The following DCUN1D4 variants were observed in gnomAD, a reference collection of about 807,000 sequenced individuals.
DCUN1D4 encodes DCN1-like protein 4.
Under a neutral mutation model 47.9 loss-of-function variants are expected in DCUN1D4, and 22 were observed. The observed-to-expected ratio is 0.46, with a 90% CI of 0.33 to 0.66. The LOEUF is 0.66. Ranked by LOEUF, DCUN1D4 falls within the 30% of genes least tolerant of loss-of-function variation. DCUN1D4 has a pLI of 0.02. For missense variants in DCUN1D4, 301 were observed against 340.8 expected (o/e 0.88, Z 0.92); for synonymous variants, 121 against 112.2 (o/e 1.08, Z -0.50).
At chr4:51,844,688 A>T (rs1395959369) in intron 1 of DCUN1D4, among the ~76,000 whole-genome samples, 8 of 151,662 alleles carry the variant, frequency 5.3e-5, no homozygotes, top group African/African-American at 1.9e-4. Flanking sequence ...GACTTCTCCC[A>T]GGCGTGCTGG....
At chr4:51,877,957 G>C in intron 5 of DCUN1D4, 103 bp downstream of exon 5, 1 of 601,564 alleles carries the variant, frequency 1.7e-6, no homozygotes, top group Non-Finnish European at 2.7e-6. Context: ...AAATTTGGGT[G>C]TGTGTGTGTG....
intron 1 of DCUN1D4, among the ~76,000 whole-genome samples, chr4:51,845,836 G>A (rs1214955663): frequency 6.6e-6 from 1 of 152,182 alleles, no homozygotes; most frequent in African/African-American, 2.4e-5. Context: ...TTTTCATGAT[G>A]AGTGAAAAAT....
At chr4:51,843,663 GGAGCGAGC>G (rs750433128) in intron 1 of DCUN1D4, 5 of 1,249,994 alleles carry the variant, frequency 4.0e-6, no homozygotes, top group Admixed American at 4.3e-5. Context: ...GGAGAGGGAG[GGAGCGAGC>G]GAGCGAGCGG....
intron 1 of DCUN1D4, among the ~76,000 whole-genome samples, chr4:51,862,069 G>A (rs2109891276): frequency 6.6e-6 from 1 of 152,346 alleles, no homozygotes; most frequent in South Asian, 2.1e-4. Flanking sequence ...CTATTCAGAT[G>A]CTAAGCAATT....
chr4:51,883,905 TTA>T (rs1188014683), intron 5 of DCUN1D4, among the ~76,000 whole-genome samples: 4 of 151,392 alleles, frequency 2.6e-5, no homozygotes, highest in Non-Finnish European at 5.9e-5. Context: ...TGTATCATGT[TTA>T]TGTATTAATG....
rs752749575 is a variant in DCUN1D4 at position 51,863,675 on chromosome 4, A to G, written c.102A>G (p.Leu34=). ...AACGAACATATTTCTTTCAGAACCT[A>G]ACAGAAGACATTGGCCAAGACGATC... The part of the protein sequence containing the change: ...KIYHTLNKLN[L]TEDIGQDDHQ... Residue 34 remains leucine, a synonymous_variant, in exon 3 of 11, where the codon CTA becomes CTG. Coordinates refer to ENST00000334635, the MANE Select transcript of DCUN1D4 (RefSeq NM_001040402.3). 7.3e-5 allele frequency: 117 copies of G among 1,613,478 alleles called. No homozygotes were observed. Among genetic ancestry groups the G allele is most frequent in the Non-Finnish European group, 9.2e-5 (109 of 1,179,856 alleles).
chr4:51,874,464 C>A, intron 4 of DCUN1D4, 79 bp downstream of exon 4: 1 of 1,007,016 alleles, frequency 9.9e-7, no homozygotes, highest in South Asian at 2.2e-5. Flanking sequence ...CAGTGTGGGT[C>A]TTCTAAGTGT....
At chr4:51,907,788 G>C (rs956099105) in intron 8 of DCUN1D4, among the ~76,000 whole-genome samples, 3 of 152,092 alleles carry the variant, frequency 2.0e-5, no homozygotes, top group Non-Finnish European at 4.4e-5. Context: ...TGATTTAGCA[G>C]ATCTGGATAC....
rs977442223 is a variant in DCUN1D4 at position 51,916,197 on chromosome 4, TGTC to T, written c.*2614_*2616del. ...CGAACTCCACATTGCAATACTCTGT[TGTC>T]ATGGAATACAACCTTTAGATGTTTA... On this transcript the variant is annotated 3_prime_UTR_variant, in exon 11 of 11. Coordinates refer to ENST00000334635, the MANE Select transcript of DCUN1D4 (RefSeq NM_001040402.3). The T allele has an allele frequency of 3.3e-5, 5 of 152,150 alleles. No homozygotes were observed. Among genetic ancestry groups the T allele is most frequent in the African/African-American group, 1.2e-4 (5 of 41,460 alleles). 9.4% of individuals were successfully genotyped at this position (152,150 alleles called of 1,614,324 possible).
intron 1 of DCUN1D4, among the ~76,000 whole-genome samples, chr4:51,847,010 G>A (rs576411215): frequency 6.6e-6 from 1 of 152,148 alleles, no homozygotes; most frequent in Non-Finnish European, 1.5e-5. Flanking sequence ...TTCCATTTCA[G>A]TGTCATTGGA....
upstream of DCUN1D4, among the ~76,000 whole-genome samples, chr4:51,842,198 C>T (rs569857285): frequency 6.6e-6 from 1 of 152,242 alleles, no homozygotes; most frequent in South Asian, 2.1e-4. Context: ...ACGGCCTCTC[C>T]GCGGGAGTGA....
chr4:51,844,253 C>T (rs1157367915), intron 1 of DCUN1D4: 30 of 875,522 alleles, frequency 3.4e-5, no homozygotes, highest in Non-Finnish European at 4.0e-5. Context: ...GGTACTTCCT[C>T]TCCCTGTCGA....
In DCUN1D4 at chr4:51,914,494, G is replaced by T. The variant is rs143738520; in HGVS notation, c.*910G>T. Reference sequence around the variant, plus strand: ...TTTGCTGGCTGTTTATAACTGCATCGCACTTCTAGTTGTGGCTTGAATTTT... The same window carrying T: ...TTTGCTGGCTGTTTATAACTGCATCTCACTTCTAGTTGTGGCTTGAATTTT... On this transcript the variant is annotated 3_prime_UTR_variant, in exon 11 of 11. Coordinates refer to ENST00000334635, the MANE Select transcript of DCUN1D4 (RefSeq NM_001040402.3). 6.6e-6 allele frequency: 1 copy of T among 152,614 alleles called. No homozygotes were observed. The highest frequency in any genetic ancestry group is 1.9e-4 in the East Asian group (1 of 5,166). 9.5% of individuals were successfully genotyped at this position (152,614 alleles called of 1,614,324 possible). A position where few individuals can be genotyped will look rare whatever the true frequency, so the allele number is the denominator to read the frequency against.
At chr4:51,863,955 C>T (rs561376361) in intron 3 of DCUN1D4, among the ~76,000 whole-genome samples, 1 of 152,190 alleles carries the variant, frequency 6.6e-6, no homozygotes, top group East Asian at 1.9e-4. Context: ...TTTCAAGATA[C>T]CTTGTTTTCT....
chr4:51,893,187 C>T (rs192359951), intron 7 of DCUN1D4, among the ~76,000 whole-genome samples: 1 of 152,148 alleles, frequency 6.6e-6, no homozygotes, highest in Non-Finnish European at 1.5e-5. Context: ...AAATCACATT[C>T]TTCCTTCTAA....
At chr4:51,837,641 C>T in the DCUN1D4 span, among the ~76,000 whole-genome samples, 2 of 88,940 alleles carry the variant, frequency 2.2e-5, no homozygotes, top group Non-Finnish European at 3.9e-5. Flanking sequence ...GGCGACAGAA[C>T]GAGACTCCGT....
At chr4:51,878,491 A>G (rs1349969470) in intron 5 of DCUN1D4, among the ~76,000 whole-genome samples, 1 of 152,148 alleles carries the variant, frequency 6.6e-6, no homozygotes, top group East Asian at 1.9e-4. Flanking sequence ...CCAACTGGCT[A>G]TTCTAGCAAC....
intron 6 of DCUN1D4, among the ~76,000 whole-genome samples, chr4:51,889,218 G>C (rs190079633): frequency 1.3e-5 from 2 of 152,292 alleles, no homozygotes; most frequent in Admixed American, 1.3e-4. Context: ...AAGAAAAAAT[G>C]TGCTAAATAA....
chr4:51,868,306 A>C (rs1405873891), intron 3 of DCUN1D4, among the ~76,000 whole-genome samples: 1 of 152,164 alleles, frequency 6.6e-6, no homozygotes, highest in Non-Finnish European at 1.5e-5. Flanking sequence ...GCCTGTTCCA[A>C]GCTCCGTGGA....
Sources: allele counts gnomAD v4.1 joint callset (sites outside exome capture counted in the v4.1 genomes callset), GRCh38; gene constraint gnomAD v4.1.1; transcripts MANE v1.5; gene names NCBI Gene and HGNC (gene_info 2026-07-23, HGNC 2026-07-21).